Variants in MYO1E observed in about 807,000 individuals in gnomAD.
MYO1E encodes the protein unconventional myosin-Ie.
Under a neutral mutation model 151.1 loss-of-function variants are expected in MYO1E, and 68 were observed. The ratio of observed to expected loss-of-function variants is 0.45; its 90% CI spans 0.37 to 0.55. The LOEUF (loss-of-function observed/expected upper bound fraction) is 0.55, where lower values mean the gene tolerates loss of function less well. MYO1E is among the 20% of genes least tolerant of loss of function. MYO1E has a pLI of 0.00. For synonymous variants in MYO1E, 601 were observed against 501.7 expected, an observed-to-expected ratio of 1.20 and a Z score of -2.64; for missense variants, 1,363 against 1,389.3, an observed-to-expected ratio of 0.98 and a Z score of 0.30.
intron 1 of MYO1E, among the ~76,000 whole-genome samples, chr15:59,277,982 AT>A (rs1469796582): frequency 6.6e-6 from 1 of 152,166 alleles, no homozygotes; most frequent in African/African-American, 2.4e-5. Context: ...TACAGTTTAC[AT>A]TTTTTAATCA....
intron 5 of MYO1E, among the ~76,000 whole-genome samples, chr15:59,235,416 G>T (rs1011234413): frequency 6.6e-6 from 1 of 151,112 alleles, no homozygotes; most frequent in African/African-American, 2.5e-5. Flanking sequence ...CCCTCAAATG[G>T]CAGCATATAT....
chr15:59,209,522 A>C (rs1367972163), intron 13 of MYO1E, among the ~76,000 whole-genome samples: 1 of 151,824 alleles, frequency 6.6e-6, no homozygotes, highest in African/African-American at 2.4e-5. Context: ...CTAAAAATAC[A>C]AAAATTAGCC....
At chr15:59,271,559 G>A (rs1370790253) in intron 2 of MYO1E, among the ~76,000 whole-genome samples, 1 of 152,172 alleles carries the variant, frequency 6.6e-6, no homozygotes, top group African/African-American at 2.4e-5. Context: ...GTTCCCTGTT[G>A]ATAATGAAGT....
chr15:59,278,248 G>T (rs1355834665), intron 1 of MYO1E, among the ~76,000 whole-genome samples: 1 of 152,172 alleles, frequency 6.6e-6, no homozygotes, highest in African/African-American at 2.4e-5. Flanking sequence ...GAAAACCTGG[G>T]ACTAGAATGC....
chr15:59,243,315 A>C (rs2080111095), intron 4 of MYO1E, among the ~76,000 whole-genome samples: 1 of 152,152 alleles, frequency 6.6e-6, no homozygotes, highest in Non-Finnish European at 1.5e-5. Context: ...TGAAAGGAAC[A>C]CACTGAAATA....
chr15:59,218,400 C>T (rs966207118), intron 9 of MYO1E: 14 of 473,098 alleles, frequency 3.0e-5, no homozygotes, highest in Non-Finnish European at 5.2e-5. Flanking sequence ...CAGTCAAATG[C>T]CTAAAATGGA....
chr15:59,272,794 G>C (rs1486817640), intron 1 of MYO1E, among the ~76,000 whole-genome samples: 1 of 152,312 alleles, frequency 6.6e-6, no homozygotes, highest in East Asian at 1.9e-4. Context: ...CAGGAATACA[G>C]CACAACACAC....
At chr15:59,356,011 G>A (rs772280908) in intron 1 of MYO1E, among the ~76,000 whole-genome samples, 3 of 152,126 alleles carry the variant, frequency 2.0e-5, no homozygotes, top group Non-Finnish European at 2.9e-5. Context: ...GAGCCACCAC[G>A]CTCAGCATAT....
chr15:59,266,268 T>C (rs371042531), intron 2 of MYO1E, among the ~76,000 whole-genome samples: 5 of 152,200 alleles, frequency 3.3e-5, no homozygotes, highest in African/African-American at 7.2e-5. Flanking sequence ...GTTCGGATCA[T>C]TGTCTTTACC....
At chr15:59,291,945 A>C (rs1455528255) in intron 1 of MYO1E, among the ~76,000 whole-genome samples, 1 of 152,188 alleles carries the variant, frequency 6.6e-6, no homozygotes, top group Non-Finnish European at 1.5e-5. Context: ...AAAATTTTAA[A>C]AAGTTTCCTT....
chr15:59,229,693 T>G (rs545002755), intron 6 of MYO1E, among the ~76,000 whole-genome samples: 2 of 112,800 alleles, frequency 1.8e-5, no homozygotes, highest in South Asian at 5.4e-4. Flanking sequence ...CTTGAAAAGA[T>G]TTGTAAGTGT....
intron 6 of MYO1E, among the ~76,000 whole-genome samples, chr15:59,228,391 A>G (rs1596375498): frequency 6.6e-6 from 1 of 151,910 alleles, no homozygotes; most frequent in Non-Finnish European, 1.5e-5. Context: ...AATCGCTTGA[A>G]CCTGGGAGGT....
intron 1 of MYO1E, among the ~76,000 whole-genome samples, chr15:59,287,388 C>A (rs1225590353): frequency 2.0e-5 from 3 of 152,166 alleles, no homozygotes; most frequent in Admixed American, 6.6e-5. Context: ...TTGCTGCCAC[C>A]TCCCCAGCCC....
At chr15:59,199,864 T>C (rs2079790310) in intron 16 of MYO1E, among the ~76,000 whole-genome samples, 1 of 152,176 alleles carries the variant, frequency 6.6e-6, no homozygotes, top group Non-Finnish European at 1.5e-5. Context: ...GATTGGGCCA[T>C]GGCTATGTAT....
chr15:59,309,741 T>C (rs1290381586), intron 1 of MYO1E, among the ~76,000 whole-genome samples: 1 of 152,260 alleles, frequency 6.6e-6, no homozygotes, highest in Non-Finnish European at 1.5e-5. Flanking sequence ...ATTTCTAAGG[T>C]TGCCCTTCGG....
chr15:59,206,838 G>GC, intron 14 of MYO1E: 1 of 1,226,130 alleles, frequency 8.2e-7, no homozygotes, highest in South Asian at 1.5e-5. Flanking sequence ...ACGCGCACCT[G>GC]CCGTAGAGTG....
intron 18 of MYO1E, among the ~76,000 whole-genome samples, chr15:59,185,321 G>A (rs2079689155): frequency 6.6e-6 from 1 of 152,084 alleles, no homozygotes; most frequent in Non-Finnish European, 1.5e-5. Context: ...AGGCTGGAGT[G>A]CAATGGCGCC....
chr15:59,205,268 TCCTCCTGCCTTAG>T (rs2079826012), intron 15 of MYO1E, 119 bp downstream of exon 15: 1 of 901,830 alleles, frequency 1.1e-6, no homozygotes, highest in African/African-American at 1.6e-5. Context: ...GATCAAGTGA[TCCTCCTGCCTTAG>T]CCTCCTGAGT....
intron 14 of MYO1E, chr15:59,206,969 C>G: frequency 1.2e-6 from 2 of 1,613,960 alleles, no homozygotes; most frequent in Non-Finnish European, 1.7e-6. Context: ...GTTGTGCGGG[C>G]CAGCCAGAGA....
Sources: gnomAD v4.1 joint callset for allele counts (sites outside exome capture counted in the v4.1 genomes callset) on GRCh38, gnomAD v4.1.1 for gene constraint, MANE v1.5 for transcripts, NCBI Gene and HGNC (gene_info 2026-07-23, HGNC 2026-07-21) for gene names.